Variants in POM121 observed in about 807,000 individuals in gnomAD.
POM121 encodes the protein nuclear envelope pore membrane protein POM 121.
Under a neutral mutation model 81.3 loss-of-function variants are expected in POM121, and 32 were observed. That is an observed-to-expected ratio of 0.39 (90% CI 0.30 to 0.53). POM121 has a LOEUF of 0.53. Among genes scored for constraint, POM121 ranks in the 20% least tolerant of loss-of-function variants. The pLI is 0.66. For synonymous variants in POM121, 514 were observed against 694.2 expected (o/e 0.74, Z 4.08); for missense variants, 1,138 against 1,614.6 (o/e 0.70, Z 5.06).
chr7:72,949,680 C>T (rs1797939169), downstream of POM121: 2 of 675,956 alleles, frequency 3.0e-6, no homozygotes, highest in Non-Finnish European at 5.4e-6. Flanking sequence ...CTAAGGGATC[C>T]ACATCTCACA....
chr7:72,925,088 G>A, upstream of POM121: 1 of 1,387,398 alleles, frequency 7.2e-7, no homozygotes, highest in Non-Finnish European at 9.2e-7. Flanking sequence ...TGCACGCTGG[G>A]ATATTTAAGT....
chr7:72,915,341 A>G (rs1157550618), intron 4 of POM121, among the ~76,000 whole-genome samples: 1 of 152,074 alleles, frequency 6.6e-6, no homozygotes, highest in Admixed American at 6.6e-5. Flanking sequence ...GCTAATAACT[A>G]ACTAATATTG....
intron 1 of POM121, among the ~76,000 whole-genome samples, chr7:72,889,586 A>G (rs1554490568): frequency 1.3e-5 from 2 of 151,862 alleles, no homozygotes; most frequent in African/African-American, 2.4e-5. Flanking sequence ...AGCTCACTGT[A>G]GCCTTGACCT....
rs113105407 is a variant in POM121, at chr7:72,887,612, A to T, written c.-520-3015A>T. Reference sequence around the variant, plus strand: ...ACAAGGCTAAGGCGGGCAGATCACGAGGTCAGGAGTTCAAGACCAGCCTGG... The same window carrying T: ...ACAAGGCTAAGGCGGGCAGATCACGTGGTCAGGAGTTCAAGACCAGCCTGG... On this transcript the variant is annotated intron_variant, in intron 1 of 15. Transcript: ENST00000395270. 8.7e-3 allele frequency among the ~76,000 whole-genome samples: 1,319 copies of T among 152,300 alleles called. 21 individuals are homozygous for T. The highest frequency in any genetic ancestry group is 0.027 in the African/African-American group (1,124 of 41,558).
At chr7:72,909,715 C>T (rs1278339143) in intron 3 of POM121, among the ~76,000 whole-genome samples, 3 of 152,172 alleles carry the variant, frequency 2.0e-5, no homozygotes, top group Non-Finnish European at 4.4e-5. Context: ...ATGGCCCAGT[C>T]ATAGCTCACT....
chr7:72,912,292 G>A (rs1356831624), intron 3 of POM121, among the ~76,000 whole-genome samples: 48 of 152,210 alleles, frequency 3.2e-4, no homozygotes, highest in Non-Finnish European at 4.4e-4. Flanking sequence ...GCGAGATACA[G>A]CCCATGTCTT....
At chr7:72,925,052 G>A (rs1795219710), upstream of POM121, 2 of 1,352,058 alleles carry the variant, frequency 1.5e-6, no homozygotes, top group Non-Finnish European at 1.9e-6. Flanking sequence ...CGTAGAGGGC[G>A]CGCGATGACG....
chr7:72,912,804 A>C (rs188650134), intron 3 of POM121, among the ~76,000 whole-genome samples: 16 of 152,304 alleles, frequency 1.1e-4, no homozygotes, highest in Non-Finnish European at 1.8e-4. Flanking sequence ...GGGTTTTCCC[A>C]AGTTGAGTCA....
chr7:72,923,621 A>T (rs1795044468), upstream of POM121, among the ~76,000 whole-genome samples: 2 of 92,866 alleles, frequency 2.2e-5, no homozygotes, highest in Middle Eastern at 7.1e-3. Context: ...TTTTTTTGAG[A>T]CGGAGTCTCG....
At chr7:72,949,984 C>T (rs557749802), downstream of POM121, 59 of 1,597,844 alleles carry the variant, frequency 3.7e-5, no homozygotes, top group East Asian at 5.6e-4. Flanking sequence ...ACACAGGGGC[C>T]GGGTAAACAG....
chr7:72,903,681 G>GA (rs1366893654), intron 3 of POM121, among the ~76,000 whole-genome samples: 5 of 151,430 alleles, frequency 3.3e-5, no homozygotes, highest in East Asian at 1.9e-4. Context: ...CCAAAAACGA[G>GA]AAAAAAAAAG....
At chr7:72,887,566 G>A (rs1393685904) in intron 1 of POM121, among the ~76,000 whole-genome samples, 1 of 152,162 alleles carries the variant, frequency 6.6e-6, no homozygotes, top group Non-Finnish European at 1.5e-5. Flanking sequence ...GCTTATACCT[G>A]TAATCACAGC....
downstream of POM121, chr7:72,948,445 C>G: frequency 6.2e-7 from 1 of 1,613,476 alleles, no homozygotes; most frequent in African/African-American, 1.3e-5. Context: ...GGACAGGCAT[C>G]TTCCTTTCCC....
At position 72,938,973 on chromosome 7, in the gene POM121, A is replaced by C. The variant is rs531200500; in HGVS notation, c.1367+292A>C. On this transcript the variant is annotated intron_variant, in intron 6 of 12. Coordinates refer to ENST00000434423, the MANE Select transcript of POM121 (RefSeq NM_001387691.1). ...AGCAGAGAGAGTCAAGTCAGCGGGC[A>C]GTCGCCTTCAGGTTCTTGACTCGAG... 4.1e-4 allele frequency among the ~76,000 whole-genome samples: 62 copies of C among 152,356 alleles called. 1 individual carries two copies. The South Asian group carries it at 0.012, about 29-fold the overall frequency.
chr7:72,939,572 G>C (rs1796860646), intron 7 of POM121, among the ~76,000 whole-genome samples, 163 bp downstream of exon 7: 1 of 152,226 alleles, frequency 6.6e-6, no homozygotes, highest in African/African-American at 2.4e-5. Context: ...TTTATAGTCT[G>C]ATGAGGGAGA....
At chr7:72,925,038 A>G (rs1795215610), upstream of POM121, 3 of 1,336,032 alleles carry the variant, frequency 2.2e-6, no homozygotes, top group East Asian at 3.1e-5. Context: ...TCGCGCGCGC[A>G]TGACGTAGAG....
chr7:72,923,113 A>AAC (rs1794973369), upstream of POM121, among the ~76,000 whole-genome samples: 10 of 80,754 alleles, frequency 1.2e-4, no homozygotes, highest in Non-Finnish European at 1.5e-4. Context: ...CTCCCCCCCA[A>AAC]CCCCCCCCCC....
chr7:72,924,875 G>C (rs541997613), upstream of POM121: 15 of 540,888 alleles, frequency 2.8e-5, no homozygotes, highest in Non-Finnish European at 4.1e-5. Context: ...CTTTTATCTT[G>C]GACGCGATCC....
chr7:72,930,225 C>T (rs1405110609), intron 5 of POM121, 114 bp downstream of exon 5: 19 of 1,355,534 alleles, frequency 1.4e-5, no homozygotes, highest in South Asian at 9.2e-5. Context: ...AAGGCCAAAG[C>T]GGGAGGATTG....
Sources: allele counts gnomAD v4.1 joint callset (sites outside exome capture counted in the v4.1 genomes callset), GRCh38; gene constraint gnomAD v4.1.1; transcripts MANE v1.5; gene names NCBI Gene and HGNC (gene_info 2026-07-23, HGNC 2026-07-21).